The following KCNN4 variants were observed in gnomAD, a reference collection of about 807,000 sequenced individuals.
KCNN4 encodes intermediate conductance calcium-activated potassium channel protein 4.
KCNN4 carries 31 observed loss-of-function variants against 45.2 expected under a neutral mutation model. That is an observed-to-expected ratio of 0.69 (90% CI 0.52 to 0.92). The LOEUF (loss-of-function observed/expected upper bound fraction) is 0.92. KCNN4 is among the 40% of genes least tolerant of loss of function. The pLI is 0.00. For synonymous variants in KCNN4, 231 were observed against 254.6 expected, an observed-to-expected ratio of 0.91 and a Z score of 0.88; for missense variants, 463 against 574.0, an observed-to-expected ratio of 0.81 and a Z score of 1.98.
At chr19:43,778,512 TA>T (rs1383678470) in intron 1 of KCNN4, among the ~76,000 whole-genome samples, 4 of 152,244 alleles carry the variant, frequency 2.6e-5, no homozygotes, top group African/African-American at 9.6e-5. Flanking sequence ...GTGCTGGGAT[TA>T]CAGGCGTGAG....
chr19:43,780,380 T>C (rs11878926), intron 1 of KCNN4, among the ~76,000 whole-genome samples: 1 of 117,226 alleles, frequency 8.5e-6, no homozygotes, highest in African/African-American at 3.5e-5. Context: ...CCAGGAGTCC[T>C]GACCCCCAGC....
At chr19:43,775,295 C>G (rs1344759099) in intron 2 of KCNN4, among the ~76,000 whole-genome samples, 1 of 152,324 alleles carries the variant, frequency 6.6e-6, no homozygotes, top group South Asian at 2.1e-4. Flanking sequence ...CCACTGCACT[C>G]TAGCCTGGGT....
Position 43,774,569 on chromosome 19 carries a change from C to T in KCNN4, c.306G>A (p.Gly102=). The change falls in exon 3 of 9, where the codon GGG becomes GGA. Residue 102 remains glycine (G), a synonymous_variant. Transcript: ENST00000648319. The surrounding 1 kb of genome is among the most constrained non-coding windows in gnomAD (Gnocchi z 5.6). ...GLRDWRVALT[G]RQAAQIVLEL... is the part of the protein sequence containing the mutation. ...CCAGCACGATCTGCGCCGCCTGCCG[C>T]CCGGTCAGCGCCACGCGCCAGTCCC... 6.5e-7 allele frequency: 1 copy of T among 1,548,624 alleles called. No homozygotes were observed.
chr19:43,774,650 C>T lies in KCNN4; in HGVS notation c.256-31G>A, dbSNP rs1460235806. ...GGTAGGGGGCCAAGAAGGGAGGGGT[C>T]AGGAGCAGGTCAGGCGCAGGTCAGG... On this transcript the variant is annotated intron_variant, in intron 2 of 8. Transcript: ENST00000648319. The surrounding 1 kb of genome is among the most constrained non-coding windows in gnomAD (Gnocchi z 5.6). 3 of 1,475,408 alleles carry T rather than the reference C, an allele frequency of 2.0e-6. No homozygotes were observed. Among genetic ancestry groups the T allele is most frequent in the Non-Finnish European group, 2.7e-6 (3 of 1,121,844 alleles). The allele number at this position is 1,475,408 out of a possible 1,614,324, so 91.4% of individuals were successfully genotyped here.
Position 43,780,896 on chromosome 19 carries a change from G to C in KCNN4, c.-35C>G. The stretch of plus-strand genomic sequence containing the variant: ...GGTCTTGGGGCTCAGCCAGCTTCCT[G>C]CCCAGGGTCCCCCACCTCGCAGCAC... On this transcript the variant is annotated 5_prime_UTR_variant, in exon 1 of 9. Coordinates refer to ENST00000648319, the MANE Select transcript of KCNN4 (RefSeq NM_002250.3). 3 of 1,609,140 alleles carry C rather than the reference G, an allele frequency of 1.9e-6. No individual in the cohort carries two copies. The highest frequency in any genetic ancestry group is 2.5e-6 in the Non-Finnish European group (3 of 1,177,648).
At position 43,774,175 on chromosome 19, in the gene KCNN4, G is replaced by A. The variant is rs1319400100; in HGVS notation, c.683+17C>T. On this transcript the variant is annotated intron_variant, in intron 3 of 8. Coordinates refer to ENST00000648319, the MANE Select transcript of KCNN4 (RefSeq NM_002250.3). The surrounding 1 kb of genome is among the most constrained non-coding windows in gnomAD (Gnocchi z 5.6). The stretch of plus-strand genomic sequence containing the variant: ...CCGGGGTTCCCCCCTGCGCATTTAT[G>A]CCTCCATCACCCTCACCTCTCGGCC... The A allele has an allele frequency of 1.3e-6, 2 of 1,598,770 alleles. No individual in the cohort carries two copies. The highest frequency in any genetic ancestry group is 8.5e-7 in the Non-Finnish European group (1 of 1,169,996).
intron 1 of KCNN4, among the ~76,000 whole-genome samples, chr19:43,778,476 T>C (rs1158782412): frequency 6.6e-6 from 1 of 152,226 alleles, no homozygotes; most frequent in Non-Finnish European, 1.5e-5. Flanking sequence ...CCTGACCTTG[T>C]GATCCGCCCA....
rs1391115787 is a variant in KCNN4, at chr19:43,767,650, C to G, written c.1177G>C (p.Glu393Gln). 1 of 1,614,174 alleles carries G rather than the reference C, an allele frequency of 6.2e-7. No homozygotes were observed. The change falls in exon 8 of 9, where the codon GAG becomes CAG. Residue 393 changes from glutamate (E) to glutamine (Q), a missense_variant. By Grantham distance (29) the Glu-to-Gln change is conservative (BLOSUM62 2). This residue lies in a region of KCNN4 where 129 missense variants were observed against 149.4 expected (regional missense o/e 0.86). Coordinates refer to ENST00000648319, the MANE Select transcript of KCNN4 (RefSeq NM_002250.3). ...CCCGCCAGCGTGTCAATCTGTTTCT[C>G]CAGGGCCCGGTGTGAGCTGCTCAGA... The part of the protein sequence containing the change: ...QNLSSSHRAL[E>Q]KQIDTLAGKL...
chr19:43,780,739 C>T lies in KCNN4; in HGVS notation c.123G>A (p.Val41=), dbSNP rs1969964902. Residue 41 remains valine (V), a synonymous_variant, in exon 1 of 9, where the codon GTG becomes GTA. Transcript: ENST00000648319. ...VLAGTGIGLM[V]LHAEMLWFGG... ...CGAACCACAGCATCTCTGCATGCAG[C>T]ACCATGAGTCCAATGCCAGTTCCTG... 1 of 1,613,678 alleles carries T rather than the reference C, an allele frequency of 6.2e-7. No individual in the cohort carries two copies. Among genetic ancestry groups the T allele is most frequent in the African/African-American group, 1.3e-5 (1 of 74,772 alleles).
At chr19:43,780,677 G>GT in intron 1 of KCNN4, 26 bp downstream of exon 1, 1 of 1,339,138 alleles carries the variant, frequency 7.5e-7, no homozygotes, top group South Asian at 1.3e-5. Flanking sequence ...AGGAGTCCCA[G>GT]CTCCCAGCCA....
intron 1 of KCNN4, 23 bp downstream of exon 1, chr19:43,780,680 C>A (rs1345948332): frequency 1.9e-6 from 3 of 1,605,242 alleles, no homozygotes; most frequent in Non-Finnish European, 2.6e-6. Context: ...AGTCCCAGCT[C>A]CCAGCCACCA....
chr19:43,771,876 A>G, intron 4 of KCNN4, 124 bp downstream of exon 4: 1 of 1,235,220 alleles, frequency 8.1e-7, no homozygotes, highest in East Asian at 2.6e-5. Flanking sequence ...GGGGCCCCAG[A>G]CACTCAAGTT....
At chr19:43,767,306 A>G in intron 8 of KCNN4, 1 of 535,726 alleles carries the variant, frequency 1.9e-6, no homozygotes, top group South Asian at 2.5e-5. Context: ...AGAGAGAGAG[A>G]CCAAGCAAAG....
Position 43,772,821 on chromosome 19 carries a change from T to C in KCNN4, c.684-686A>G, listed in dbSNP as rs1456065413. Among the ~76,000 whole-genome samples, 1 of 152,216 alleles carries C rather than the reference T, an allele frequency of 6.6e-6. No homozygotes were observed. Among genetic ancestry groups the C allele is most frequent in the East Asian group, 1.9e-4 (1 of 5,200 alleles). On this transcript the variant is annotated intron_variant, in intron 3 of 8. Coordinates refer to ENST00000648319, the MANE Select transcript of KCNN4 (RefSeq NM_002250.3). The surrounding 1 kb of genome is among the most constrained non-coding windows in gnomAD (Gnocchi z 4.4). The stretch of plus-strand genomic sequence containing the variant: ...CTAGGAGCGAAGATGGAATCTGTAC[T>C]GTTCACAAACCCCACCCCCTCATTC...
chr19:43,771,262 G>A (rs1346696486), intron 4 of KCNN4, among the ~76,000 whole-genome samples: 2 of 152,178 alleles, frequency 1.3e-5, no homozygotes, highest in African/African-American at 4.8e-5. Flanking sequence ...AGGAGCTGGT[G>A]TGGGGTGGCT....
In KCNN4 at chr19:43,767,537, C is replaced by A. The variant is rs767753299; in HGVS notation, c.*3+3G>T. 6.2e-7 allele frequency: 1 copy of A among 1,612,788 alleles called. No homozygotes were observed. Among genetic ancestry groups the A allele is most frequent in the Non-Finnish European group, 8.5e-7 (1 of 1,179,582 alleles). On this transcript the variant is annotated splice_donor_region_variant and intron_variant, in intron 8 of 8. Transcript: ENST00000648319. ...CTTCCTGCCCAAGTCCCAGCCCCCT[C>A]ACCAGCTACTTGGACTGCTGGCTGG... is the stretch of plus-strand genomic sequence containing the variant.
Position 43,774,589 on chromosome 19 carries a change from A to G in KCNN4, c.286T>C (p.Trp96Arg), listed in dbSNP as rs772222937. 6.6e-7 allele frequency: 1 copy of G among 1,520,572 alleles called. No individual in the cohort carries two copies. The highest frequency in any genetic ancestry group is 8.7e-7 in the Non-Finnish European group (1 of 1,144,502). The allele number at this position is 1,520,572 out of a possible 1,614,324, so 94.2% of individuals were successfully genotyped here. ...TGCCGCCCGGTCAGCGCCACGCGCC[A>G]GTCCCGCAGCCCGTTGTCGGTCATG... ...LFMTDNGLRD[W>R]RVALTGRQAA... Residue 96 changes from tryptophan to arginine, a missense_variant, in exon 3 of 9, where the codon TGG (tryptophan) becomes CGG (arginine). Trp to Arg is a moderately radical substitution (Grantham distance 101, BLOSUM62 -3). Transcript: ENST00000648319. The surrounding 1 kb of genome is among the most constrained non-coding windows in gnomAD (Gnocchi z 5.6).
intron 4 of KCNN4, 127 bp downstream of exon 4, chr19:43,771,873 C>G: frequency 8.2e-7 from 1 of 1,226,206 alleles, no homozygotes; most frequent in Non-Finnish European, 1.1e-6. Context: ...CTGGGGGCCC[C>G]AGACACTCAA....
intron 1 of KCNN4, 93 bp downstream of exon 1, chr19:43,780,610 G>GC (rs1599684542): frequency 9.6e-6 from 1 of 103,968 alleles, no homozygotes. Context: ...CTGACCCCCA[G>GC]CCCCCCCTCC....
Sources: gnomAD v4.1 joint callset for allele counts (sites outside exome capture counted in the v4.1 genomes callset) on GRCh38, gnomAD v4.1.1 for gene constraint, gnomAD v4.1.1 regional missense constraint, Gnocchi (gnomAD v3.1) non-coding constraint, MANE v1.5 for transcripts, NCBI Gene and HGNC (gene_info 2026-07-23, HGNC 2026-07-21) for gene names.